The following PRIMPOL variants were observed in gnomAD, a reference collection of about 807,000 sequenced individuals.
The protein encoded by PRIMPOL is primase and DNA directed polymerase.
In PRIMPOL, 54 loss-of-function variants were observed where a neutral mutation model predicts 63.6. The ratio of observed to expected loss-of-function variants is 0.85; its 90% CI spans 0.68 to 1.07. The LOEUF is 1.07. Among genes scored for constraint, PRIMPOL ranks in the 50% least tolerant of loss-of-function variants. The pLI, the probability that PRIMPOL is intolerant of heterozygous loss-of-function variation, is 0.00. For missense variants in PRIMPOL, 610 were observed against 648.3 expected, an observed-to-expected ratio of 0.94 and a Z score of 0.64; for synonymous variants, 197 against 220.2, an observed-to-expected ratio of 0.89 and a Z score of 0.93.
At chr4:184,656,056 C>T (rs990246664) in intron 2 of PRIMPOL, among the ~76,000 whole-genome samples, 4 of 152,138 alleles carry the variant, frequency 2.6e-5, no homozygotes, top group East Asian at 3.8e-4. Context: ...GCTGGATGTC[C>T]GGAATGGCCC....
chr4:184,661,539 C>A (rs1449840453), intron 4 of PRIMPOL, among the ~76,000 whole-genome samples: 1 of 151,946 alleles, frequency 6.6e-6, no homozygotes, highest in Admixed American at 6.6e-5. Flanking sequence ...TAAACCCTGT[C>A]TACTAAAAAT....
At chr4:184,676,324 T>TTTCCTTCCCTTC (rs1753336282) in intron 7 of PRIMPOL, among the ~76,000 whole-genome samples, 1 of 78,496 alleles carries the variant, frequency 1.3e-5, no homozygotes, top group Non-Finnish European at 2.6e-5. Flanking sequence ...CCCTTCCCTT[T>TTTCCTTCCCTTC]CCTTCCCTTC....
In PRIMPOL at chr4:184,694,895, C is replaced by A; in HGVS notation, c.*116C>A. The A allele has an allele frequency of 1.0e-6, 1 of 956,802 alleles. No homozygotes were observed. The highest frequency in any genetic ancestry group is 1.5e-6 in the Non-Finnish European group (1 of 665,312). The allele number at this position is 956,802 out of a possible 1,614,324, so 59.3% of individuals were successfully genotyped here. A position where few individuals can be genotyped will look rare whatever the true frequency, so the allele number is the denominator to read the frequency against. On this transcript the variant is annotated 3_prime_UTR_variant, in exon 14 of 14. Coordinates refer to ENST00000314970, the MANE Select transcript of PRIMPOL (RefSeq NM_152683.4). Reference sequence around the variant, plus strand: ...AACTAAGTTTTATTACTTTGCTTTCCAATTTTTGTTTTTTACTTCTGTAAA... The same window carrying A: ...AACTAAGTTTTATTACTTTGCTTTCAAATTTTTGTTTTTTACTTCTGTAAA...
At chr4:184,651,280 G>A (rs1744353455) in intron 1 of PRIMPOL, among the ~76,000 whole-genome samples, 1 of 145,654 alleles carries the variant, frequency 6.9e-6, no homozygotes, top group African/African-American at 2.8e-5. Flanking sequence ...AACAGAGCAA[G>A]ACTCTGTCTC....
intron 6 of PRIMPOL, among the ~76,000 whole-genome samples, chr4:184,668,163 C>G (rs1346835234): frequency 6.6e-6 from 1 of 152,152 alleles, no homozygotes; most frequent in African/African-American, 2.4e-5. Context: ...GACGTCAGAC[C>G]CATCCAGCCA....
Position 184,694,648 on chromosome 4 carries a change from G to C in PRIMPOL, c.1552G>C (p.Asp518His), listed in dbSNP as rs1241871517. 2 of 1,614,066 alleles carry C rather than the reference G, an allele frequency of 1.2e-6. No homozygotes were observed. Among genetic ancestry groups the C allele is most frequent in the Non-Finnish European group, 1.7e-6 (2 of 1,180,034 alleles). ...TGATGCTGTCTGGGATAATGGCATT[G>C]ATGATGCTTATTTTTTAGAAGCTAC... ...SADAVWDNGI[D>H]DAYFLEATED... Residue 518 changes from aspartate to histidine, a missense_variant, in exon 14 of 14, where the codon GAT (aspartate) becomes CAT (histidine). Asp to His is a moderately conservative substitution (Grantham distance 81). Around this residue, in one of 3 missense-constraint regions of PRIMPOL, gnomAD observed 444 missense variants for 456.4 expected, o/e 0.97. Transcript: ENST00000314970.
intron 13 of PRIMPOL, 43 bp downstream of exon 13, chr4:184,691,755 T>C: frequency 2.7e-6 from 4 of 1,468,232 alleles, no homozygotes; most frequent in Non-Finnish European, 3.8e-6. Context: ...CAGGGAGTTC[T>C]TGGTACAATA....
intron 7 of PRIMPOL, among the ~76,000 whole-genome samples, chr4:184,673,430 CT>C (rs60728743): frequency 1.9e-4 from 26 of 135,812 alleles, no homozygotes; most frequent in African/African-American, 2.2e-4. Flanking sequence ...CGCCCAGCCT[CT>C]TTTTTTTTTT....
intron 3 of PRIMPOL, among the ~76,000 whole-genome samples, chr4:184,658,062 A>G (rs1327071474): frequency 1.4e-5 from 2 of 138,566 alleles, no homozygotes; most frequent in Non-Finnish European, 3.1e-5. Flanking sequence ...ACAGATGTGT[A>G]TTGCACATTC....
intron 5 of PRIMPOL, among the ~76,000 whole-genome samples, chr4:184,663,253 C>T (rs1748908679): frequency 6.6e-6 from 1 of 151,922 alleles, no homozygotes; most frequent in Non-Finnish European, 1.5e-5. Context: ...CCATGTTGGC[C>T]AGGCTGTTCT....
chr4:184,685,006 G>A (rs1343298634), intron 9 of PRIMPOL, among the ~76,000 whole-genome samples: 1 of 152,046 alleles, frequency 6.6e-6, no homozygotes, highest in Non-Finnish European at 1.5e-5. Context: ...GACCACAGGG[G>A]CCTTATCTGT....
chr4:184,692,660 T>C (rs1759095873), intron 13 of PRIMPOL, among the ~76,000 whole-genome samples: 1 of 151,700 alleles, frequency 6.6e-6, no homozygotes, highest in Non-Finnish European at 1.5e-5. Flanking sequence ...ACTATTTCAG[T>C]TTTTTTTCTA....
At chr4:184,657,937 G>A (rs1311002366) in intron 3 of PRIMPOL, among the ~76,000 whole-genome samples, 1 of 151,978 alleles carries the variant, frequency 6.6e-6, no homozygotes, top group African/African-American at 2.4e-5. Flanking sequence ...AGTTTGCTGT[G>A]AGCCGAGATC....
intron 5 of PRIMPOL, among the ~76,000 whole-genome samples, chr4:184,663,413 G>A (rs557386308): frequency 2.0e-5 from 3 of 152,250 alleles, no homozygotes; most frequent in East Asian, 1.9e-4. Flanking sequence ...TTCTTGTGTA[G>A]TTTCTCCATG....
chr4:184,690,923 A>G (rs973526009), intron 11 of PRIMPOL, among the ~76,000 whole-genome samples: 6 of 152,122 alleles, frequency 3.9e-5, no homozygotes, highest in Non-Finnish European at 5.9e-5. Context: ...ATGGATTTCT[A>G]TTAGTTTTAT....
intron 2 of PRIMPOL, among the ~76,000 whole-genome samples, chr4:184,653,652 G>A (rs1745374945): frequency 6.6e-6 from 1 of 151,752 alleles, no homozygotes; most frequent in African/African-American, 2.4e-5. Context: ...ACCGGGCGGA[G>A]CCCAATCTTT....
chr4:184,685,346 A>T, intron 9 of PRIMPOL, 63 bp from the exon 10 acceptor site: 2 of 1,214,562 alleles, frequency 1.6e-6, no homozygotes, highest in Non-Finnish European at 2.4e-6. Context: ...AACAACATTT[A>T]ATCAAAATTT....
chr4:184,691,925 A>AG (rs1758670511), intron 13 of PRIMPOL, among the ~76,000 whole-genome samples: 1 of 143,646 alleles, frequency 7.0e-6, no homozygotes, highest in African/African-American at 2.6e-5. Context: ...CTGCTGCTTG[A>AG]GGTGTACAGT....
intron 9 of PRIMPOL, among the ~76,000 whole-genome samples, chr4:184,683,930 AG>A (rs143128482): frequency 0.045 from 6,804 of 152,216 alleles, 497 homozygotes; most frequent in African/African-American, 0.15. Context: ...TGATGTTAAA[AG>A]AAAAACTAGT....
Sources: gnomAD v4.1 joint callset for allele counts (sites outside exome capture counted in the v4.1 genomes callset) on GRCh38, gnomAD v4.1.1 for gene constraint, gnomAD v4.1.1 regional missense constraint, MANE v1.5 for transcripts, NCBI Gene and HGNC (gene_info 2026-07-23, HGNC 2026-07-21) for gene names.